The following GPR176 variants were observed in gnomAD, a reference collection of about 807,000 sequenced individuals.
GPR176 encodes the protein G protein-coupled receptor 176, also known as G-protein coupled receptor 176.
A neutral mutation model predicts 35.4 loss-of-function variants in GPR176; 26 were observed. The observed-to-expected ratio is 0.74, with a 90% CI of 0.54 to 1.02. The LOEUF (loss-of-function observed/expected upper bound fraction) is 1.02, where lower values mean the gene tolerates loss of function less well. GPR176 is among the 50% of genes least tolerant of loss of function. GPR176 has a pLI of 0.00. For synonymous variants in GPR176, 278 were observed against 271.3 expected (o/e 1.02, Z -0.24); for missense variants, 597 against 665.3 (o/e 0.90, Z 1.13).
At chr15:39,892,372 G>A (rs1229026797) in intron 1 of GPR176, among the ~76,000 whole-genome samples, 4 of 152,184 alleles carry the variant, frequency 2.6e-5, no homozygotes, top group Non-Finnish European at 5.9e-5. Flanking sequence ...ATAAACTGAA[G>A]TTAGAGATGA....
At chr15:39,918,391 T>G (rs1176602889) in intron 1 of GPR176, among the ~76,000 whole-genome samples, 1 of 152,190 alleles carries the variant, frequency 6.6e-6, no homozygotes, top group Non-Finnish European at 1.5e-5. Context: ...ACCACCTTTC[T>G]TCAGAGTTAA....
chr15:39,919,922 G>T lies in GPR176; in HGVS notation c.105C>A (p.Gly35=). 6.6e-7 allele frequency: 1 copy of T among 1,525,220 alleles called. No homozygotes were observed. The highest frequency in any genetic ancestry group is 2.7e-5 in the East Asian group (1 of 37,502). The allele number at this position is 1,525,220 out of a possible 1,614,324, so 94.5% of individuals were successfully genotyped here. A position where few individuals can be genotyped will look rare whatever the true frequency, so the allele number is the denominator to read the frequency against. ...TGAACTGGCGGTACAGCTGCGCCTC[G>T]CCGAACTCCCCGAGCGCGCTGCGGT... ...GVNRSALGEF[G]EAQLYRQFTT... The change falls in exon 1 of 3, where the codon GGC becomes GGA. Residue 35 remains glycine, a synonymous_variant. Coordinates refer to ENST00000561100, the MANE Select transcript of GPR176 (RefSeq NM_007223.3).
At chr15:39,907,156 A>G (rs114409089) in intron 1 of GPR176, among the ~76,000 whole-genome samples, 1 of 152,376 alleles carries the variant, frequency 6.6e-6, no homozygotes, top group African/African-American at 2.4e-5. Flanking sequence ...AGAGAACAGC[A>G]AAGTCAATGG....
rs28709379 is a variant in GPR176, at chr15:39,886,434, C to T, written c.172+33421G>A. Among the ~76,000 whole-genome samples the T allele has an allele frequency of 2.2e-3, 330 of 152,076 alleles. 10 individuals are homozygous for T. In the East Asian group the frequency reaches 0.057, roughly 26 times the overall value. ...TTGCACAAGTCACTTCATCCCCCACCCCCATCTTGATTTTCACATCTATAA... is the reference window on the plus strand; with the variant it reads ...TTGCACAAGTCACTTCATCCCCCACTCCCATCTTGATTTTCACATCTATAA... On this transcript the variant is annotated intron_variant, in intron 1 of 2. Coordinates refer to ENST00000561100, the MANE Select transcript of GPR176 (RefSeq NM_007223.3).
At chr15:39,834,057 G>A (rs376862285) in intron 1 of GPR176, among the ~76,000 whole-genome samples, 11 of 152,084 alleles carry the variant, frequency 7.2e-5, no homozygotes, top group African/African-American at 1.9e-4. Context: ...TTAATTCTCC[G>A]CAGATATTAT....
intron 1 of GPR176, among the ~76,000 whole-genome samples, chr15:39,811,631 C>T (rs764602276): frequency 5.3e-5 from 8 of 152,068 alleles, no homozygotes; most frequent in Non-Finnish European, 1.0e-4. Flanking sequence ...CAAAAAGTTC[C>T]AGATTCGGGG....
chr15:39,880,105 T>C (rs1595502520), intron 1 of GPR176, among the ~76,000 whole-genome samples: 1 of 152,196 alleles, frequency 6.6e-6, no homozygotes, highest in Admixed American at 6.6e-5. Context: ...GGCTAGGAAA[T>C]CTTCAACTCC....
At position 39,847,287 on chromosome 15, in the gene GPR176, T is replaced by C. The variant is rs369030249; in HGVS notation, c.173-40029A>G. Among the ~76,000 whole-genome samples the C allele has an allele frequency of 1.5e-4, 23 of 152,182 alleles. No individual in the cohort carries two copies. The East Asian group carries it at 1.5e-3, about 10-fold the overall frequency. ...AAGCCCTAACATATCAATAATCACATTAAATGCAAATGGTCCAAATACAGC... is the reference window on the plus strand; with the variant it reads ...AAGCCCTAACATATCAATAATCACACTAAATGCAAATGGTCCAAATACAGC... On this transcript the variant is annotated intron_variant, in intron 1 of 2. Transcript: ENST00000561100.
chr15:39,830,982 CT>C (rs1221256886), intron 1 of GPR176, among the ~76,000 whole-genome samples: 1 of 152,136 alleles, frequency 6.6e-6, no homozygotes, highest in East Asian at 1.9e-4. Flanking sequence ...TTTTCAAGCA[CT>C]TCAAGATCAA....
At chr15:39,869,004 C>CA (rs113653046) in intron 1 of GPR176, among the ~76,000 whole-genome samples, 11,059 of 140,052 alleles carry the variant, frequency 0.079, 1,022 homozygotes, top group African/African-American at 0.22. Flanking sequence ...AATTCTGTCT[C>CA]AAAAAAAAAA....
chr15:39,829,170 C>T, intron 1 of GPR176: 2 of 1,533,312 alleles, frequency 1.3e-6, no homozygotes, highest in Non-Finnish European at 1.7e-6. Flanking sequence ...CTACGTCACA[C>T]TGCCTTCTCA....
intron 1 of GPR176, among the ~76,000 whole-genome samples, chr15:39,913,270 C>G (rs2033627113): frequency 6.6e-6 from 1 of 152,112 alleles, no homozygotes; most frequent in African/African-American, 2.4e-5. Context: ...TAGGGCCAGG[C>G]CTGGAGGCTA....
At chr15:39,910,948 G>A (rs2033562021) in intron 1 of GPR176, among the ~76,000 whole-genome samples, 1 of 152,126 alleles carries the variant, frequency 6.6e-6, no homozygotes, top group Admixed American at 6.5e-5. Context: ...TGAGGCAGGA[G>A]AATCATTTGA....
Position 39,802,070 on chromosome 15 carries a change from C to T in GPR176, c.610G>A (p.Val204Met). The change falls in exon 3 of 3, where the codon GTG (valine) becomes ATG (methionine). Residue 204 changes from valine to methionine, a missense_variant. By Grantham distance (21) the Val-to-Met change is conservative. Coordinates refer to ENST00000561100, the MANE Select transcript of GPR176 (RefSeq NM_007223.3). Reference sequence around the variant, plus strand: ...GTGATGTTATACACCAGAACGTACACCAGGTGGCCCAAGGAGTTGCTCCAG... The same window carrying T: ...GTGATGTTATACACCAGAACGTACATCAGGTGGCCCAAGGAGTTGCTCCAG... ...EVWSNSLGHL[V>M]YVLVYNITTV... 1 of 1,614,140 alleles carries T rather than the reference C, an allele frequency of 6.2e-7. No homozygotes were observed. Among genetic ancestry groups the T allele is most frequent in the Admixed American group, 1.7e-5 (1 of 60,020 alleles).
At chr15:39,903,612 C>T (rs1040377339) in intron 1 of GPR176, among the ~76,000 whole-genome samples, 2 of 151,572 alleles carry the variant, frequency 1.3e-5, no homozygotes, top group African/African-American at 4.9e-5. Context: ...GCATCTTACA[C>T]AGGTTTAAGT....
chr15:39,864,883 G>A (rs1368978379), intron 1 of GPR176, among the ~76,000 whole-genome samples: 2 of 147,326 alleles, frequency 1.4e-5, no homozygotes, highest in East Asian at 4.0e-4. Context: ...CAAAAAGCAT[G>A]AATAGACATT....
chr15:39,847,713 A>G (rs1595475672), intron 1 of GPR176, among the ~76,000 whole-genome samples: 1 of 137,174 alleles, frequency 7.3e-6, no homozygotes, highest in African/African-American at 2.8e-5. Context: ...ACTGCACTCC[A>G]GCCTGGGTGA....
chr15:39,887,196 T>C (rs1369071288), intron 1 of GPR176, among the ~76,000 whole-genome samples: 1 of 152,146 alleles, frequency 6.6e-6, no homozygotes, highest in Non-Finnish European at 1.5e-5. Flanking sequence ...TAATCCAAAA[T>C]CCATACTTGG....
chr15:39,903,448 C>T (rs1403957317), intron 1 of GPR176, among the ~76,000 whole-genome samples: 2 of 151,970 alleles, frequency 1.3e-5, no homozygotes, highest in Non-Finnish European at 2.9e-5. Flanking sequence ...TTTAAAAATC[C>T]ATATATTATT....
Sources: allele counts gnomAD v4.1 joint callset (sites outside exome capture counted in the v4.1 genomes callset), GRCh38; gene constraint gnomAD v4.1.1; transcripts MANE v1.5; gene names NCBI Gene and HGNC (gene_info 2026-07-23, HGNC 2026-07-21).